DMPK: variants seen among roughly 807,000 people sequenced by gnomAD.
DMPK encodes the protein DM1 protein kinase.
DMPK carries 32 observed loss-of-function variants against 70.3 expected under a neutral mutation model. The ratio of observed to expected loss-of-function variants is 0.46; its 90% CI spans 0.34 to 0.61. The LOEUF (loss-of-function observed/expected upper bound fraction) is 0.61, where lower values mean the gene tolerates loss of function less well. DMPK is among the 20% of genes least tolerant of loss of function. The pLI, the probability that DMPK is intolerant of heterozygous loss-of-function variation, is 0.01. For synonymous variants in DMPK, 469 were observed against 390.9 expected (o/e 1.20, Z -2.36); for missense variants, 899 against 886.0 (o/e 1.01, Z -0.19).
intron 1 of DMPK, 89 bp downstream of exon 1, chr19:45,782,104 G>GC (rs149612963): frequency 0.078 from 56,284 of 722,210 alleles, 9,599 homozygotes; most frequent in African/African-American, 0.16. Context: ...CTGCCATCCT[G>GC]CCCCCCCAAC....
rs546909538 is a variant in DMPK, at chr19:45,770,181, G to A, written c.*307C>T. 264 of 787,620 alleles carry A rather than the reference G, an allele frequency of 3.4e-4. No homozygotes were observed. The highest frequency in any genetic ancestry group is 6.7e-4 in the Middle Eastern group (2 of 3,004). The allele number at this position is 787,620 out of a possible 1,614,324, so 48.8% of individuals were successfully genotyped here. On this transcript the variant is annotated 3_prime_UTR_variant, in exon 15 of 15. Transcript: ENST00000291270. ...CGTCAGGGCCTCAGCCTGGCCGAAA[G>A]AAAGAAATGGTCTGTGATCCCCCCA...
intron 13 of DMPK, 38 bp downstream of exon 13, chr19:45,771,312 G>A: frequency 1.3e-6 from 2 of 1,566,218 alleles, no homozygotes; most frequent in South Asian, 1.2e-5. Context: ...TGCAGAATGG[G>A]CAGCAGGTCT....
chr19:45,771,421 G>C (rs1247891650), intron 12 of DMPK, 25 bp from the exon 13 acceptor site: 4 of 1,610,938 alleles, frequency 2.5e-6, no homozygotes, highest in South Asian at 1.1e-5. Flanking sequence ...AAGAGGCATA[G>C]GGCGCGTGGA....
At chr19:45,770,809 C>T (rs542771469) in intron 14 of DMPK, 162 bp downstream of exon 14, 3 of 984,914 alleles carry the variant, frequency 3.0e-6, no homozygotes, top group South Asian at 1.7e-5. Flanking sequence ...CCCGTCCGAA[C>T]TCGTCATTGG....
intron 9 of DMPK, 34 bp downstream of exon 9, chr19:45,774,915 G>C (rs371908326): frequency 3.8e-6 from 6 of 1,560,330 alleles, no homozygotes; most frequent in South Asian, 1.1e-5. Context: ...AAGCAGCCTC[G>C]TGGCCCCTGG....
At position 45,782,178 on chromosome 19, in the gene DMPK, AG is replaced by A. The variant is rs1970160227; in HGVS notation, c.160+14del. On this transcript the variant is annotated intron_variant, in intron 1 of 14. Coordinates refer to ENST00000291270, the MANE Select transcript of DMPK (RefSeq NM_004409.5). ...CCCCACCCCATCTGCAGGAGCCCCG[AG>A]GGTAGGCACTCACCCCACTGCAAGA... is the stretch of plus-strand genomic sequence containing the variant. 7.8e-6 allele frequency: 7 copies of A among 902,754 alleles called. No homozygotes were observed. The highest frequency in any genetic ancestry group is 8.5e-6 in the Non-Finnish European group (6 of 707,878). 55.9% of individuals were successfully genotyped at this position (902,754 alleles called of 1,614,324 possible). A position where few individuals can be genotyped will look rare whatever the true frequency, so the allele number is the denominator to read the frequency against.
rs750895304 is a variant in DMPK at position 45,770,630 on chromosome 19, G to A, written c.1748C>T (p.Pro583Leu). Residue 583 changes from proline to leucine, a missense_variant, in exon 15 of 15, where the codon CCT becomes CTT. Physicochemically the swap from Pro to Leu is moderately conservative, Grantham distance 98. Around this residue, in one of 3 missense-constraint regions of DMPK, gnomAD observed 555 missense variants for 483.8 expected, o/e 1.15. Coordinates refer to ENST00000291270, the MANE Select transcript of DMPK (RefSeq NM_004409.5). The stretch of plus-strand genomic sequence containing the variant: ...CAGGGAAAGCGCCTCCGATAGGCCA[G>A]GCCTAGGGACCTGCGGGGAGAGGGC... ...HLLLPARVPR[P>L]GLSEALSLLL... is the part of the protein sequence containing the mutation. 1.5e-5 allele frequency: 23 copies of A among 1,552,106 alleles called. No homozygotes were observed. Among genetic ancestry groups the A allele is most frequent in the Non-Finnish European group, 1.9e-5 (22 of 1,147,892 alleles).
chr19:45,770,486 G>A lies in DMPK; in HGVS notation c.*2C>T, dbSNP rs1969318521. On this transcript the variant is annotated 3_prime_UTR_variant, in exon 15 of 15. Coordinates refer to ENST00000291270, the MANE Select transcript of DMPK (RefSeq NM_004409.5). ...CCCCGGAGTCGAAGACAGTTCTAGG[G>A]TTCAGGGAGCGCGGGCGGCTCCTGG... The A allele has an allele frequency of 3.2e-6, 5 of 1,550,266 alleles. No homozygotes were observed. The highest frequency in any genetic ancestry group is 1.2e-5 in the South Asian group (1 of 84,042).
chr19:45,775,021 T>G lies in DMPK; in HGVS notation c.1160A>C (p.Asp387Ala), dbSNP rs1362951027. The change falls in exon 9 of 15, where the codon GAC becomes GCC. Residue 387 changes from aspartate (D) to alanine (A), a missense_variant. Asp to Ala is a moderately radical substitution (Grantham distance 126, BLOSUM62 -2). Transcript: ENST00000291270. The part of the protein sequence containing the change: ...MVSGGGETLS[D>A]IREGAPLGVH... Reference sequence around the variant, plus strand: ...CCCTAGCGGCGCACCTTCCCGAATGTCCGACAGTGTCTCCTGCGCAAGACA... The same window carrying G: ...CCCTAGCGGCGCACCTTCCCGAATGGCCGACAGTGTCTCCTGCGCAAGACA... The G allele has an allele frequency of 4.3e-6, 7 of 1,613,688 alleles. No homozygotes were observed. Among genetic ancestry groups the G allele is most frequent in the Admixed American group, 1.7e-5 (1 of 59,996 alleles).
Position 45,777,292 on chromosome 19 carries a change from G to A in DMPK, c.1146+35C>T, listed in dbSNP as rs371791113. 1.2e-4 allele frequency: 181 copies of A among 1,528,750 alleles called. No homozygotes were observed. The African/African-American group carries it at 1.8e-3, about 15-fold the overall frequency. The allele number at this position is 1,528,750 out of a possible 1,614,324, so 94.7% of individuals were successfully genotyped here. A position where few individuals can be genotyped will look rare whatever the true frequency, so the allele number is the denominator to read the frequency against. ...AACTTTATGGAGGGAGCATGGGGAGGTTCCCGCAGCCGAGCAGGGGCCACA... is the reference window on the plus strand; with the variant it reads ...AACTTTATGGAGGGAGCATGGGGAGATTCCCGCAGCCGAGCAGGGGCCACA... On this transcript the variant is annotated intron_variant, in intron 8 of 14. Coordinates refer to ENST00000291270, the MANE Select transcript of DMPK (RefSeq NM_004409.5). The surrounding 1 kb of genome is among the most constrained non-coding windows in gnomAD (Gnocchi z 6.7).
chr19:45,771,163 G>C, intron 13 of DMPK, 103 bp from the exon 14 acceptor site: 1 of 1,169,250 alleles, frequency 8.6e-7, no homozygotes, highest in Non-Finnish European at 1.2e-6. Flanking sequence ...GTTATCTAGG[G>C]AGATCCCGGA....
chr19:45,777,360 C>G lies in DMPK; in HGVS notation c.1113G>C (p.Glu371Asp), dbSNP rs1969829309. The stretch of plus-strand genomic sequence containing the variant: ...CGCTCACCATGGCAGTGAGCCCGTC[C>G]TCCACCAAGTCGAAGTTGCATGTGT... ...ATDTCNFDLV[E>D]DGLTAMVSGG... Residue 371 changes from glutamate (E) to aspartate (D), a missense_variant, in exon 8 of 15, where the codon GAG becomes GAC. Transcript: ENST00000291270. The surrounding 1 kb of genome is among the most constrained non-coding windows in gnomAD (Gnocchi z 6.7). The G allele has an allele frequency of 6.2e-7, 1 of 1,601,350 alleles. No homozygotes were observed. The highest frequency in any genetic ancestry group is 1.1e-5 in the South Asian group (1 of 89,510).
At chr19:45,775,126 CCCAA>C in intron 8 of DMPK, 92 bp from the exon 9 acceptor site, 1 of 991,184 alleles carries the variant, frequency 1.0e-6, no homozygotes, top group Non-Finnish European at 1.6e-6. Context: ...CCAAACCAGC[CCCAA>C]CTCAGGGCTT....
rs1361549448 is a variant in DMPK at position 45,778,997 on chromosome 19, C to T, written c.432+267G>A. 6.8e-6 allele frequency: 4 copies of T among 585,988 alleles called. No individual in the cohort carries two copies. In the African/African-American group the frequency reaches 7.5e-5, roughly 11 times the overall value. 36.3% of individuals were successfully genotyped at this position (585,988 alleles called of 1,614,324 possible). On this transcript the variant is annotated intron_variant, in intron 4 of 14. Coordinates refer to ENST00000291270, the MANE Select transcript of DMPK (RefSeq NM_004409.5). The stretch of plus-strand genomic sequence containing the variant: ...CGTTAGAATTCCTGAAGACCTATCC[C>T]ATTCCAGGTAAGAGACCCCCCGCAA...
Position 45,779,285 on chromosome 19 carries a change from G to A in DMPK, c.411C>T (p.Ala137=), listed in dbSNP as rs771161939. The A allele has an allele frequency of 6.2e-7, 1 of 1,613,924 alleles. No homozygotes were observed. The highest frequency in any genetic ancestry group is 8.5e-7 in the Non-Finnish European group (1 of 1,180,036). The change falls in exon 4 of 15, where the codon GCC becomes GCT. Residue 137 remains alanine (A), a synonymous_variant. Transcript: ENST00000291270. ...DRRWITQLHF[A]FQDENYLYLV... ...TCACCAGGTAGTTCTCATCCTGGAAGGCGAAGTGCAGCTGCGTGATCCACC... is the reference window on the plus strand; with the variant it reads ...TCACCAGGTAGTTCTCATCCTGGAAAGCGAAGTGCAGCTGCGTGATCCACC...
intron 8 of DMPK, chr19:45,776,913 C>T (rs765755431): frequency 7.2e-4 from 126 of 175,282 alleles, no homozygotes; most frequent in Non-Finnish European, 1.8e-4. Flanking sequence ...CAAAAGGGCA[C>T]CCAGAGCCGA....
rs753911237 is a variant in DMPK, at chr19:45,772,706, G to A, written c.1279C>T (p.Gln427Ter). Residue 427 changes from glutamine (Q) to a stop codon, truncating the protein, a stop_gained, in exon 10 of 15, where the codon CAG (glutamine) becomes TAG (stop). Transcript: ENST00000291270. LOFTEE classifies it high-confidence loss of function. ...GCTTGCACGTGTGGCTCAAGCAGCTGCTCGGCCTCCAGTTCCATGGGTGTG... is the reference window on the plus strand; with the variant it reads ...GCTTGCACGTGTGGCTCAAGCAGCTACTCGGCCTCCAGTTCCATGGGTGTG... The part of the protein sequence containing the change: ...GPTPMELEAE[Q>*]LLEPHVQAPS... 6.6e-7 allele frequency: 1 copy of A among 1,520,924 alleles called. No individual in the cohort carries two copies. Among genetic ancestry groups the A allele is most frequent in the South Asian group, 1.3e-5 (1 of 75,182 alleles). 94.2% of individuals were successfully genotyped at this position (1,520,924 alleles called of 1,614,324 possible).
Position 45,771,784 on chromosome 19 carries a change from G to C in DMPK, c.1489C>G (p.Gln497Glu), listed in dbSNP as rs1322546469. The change falls in exon 11 of 15, where the codon CAG (glutamine) becomes GAG (glutamate). Residue 497 changes from glutamine (Q) to glutamate (E), a missense_variant. By Grantham distance (29) the Gln-to-Glu change is conservative (BLOSUM62 2). Coordinates refer to ENST00000291270, the MANE Select transcript of DMPK (RefSeq NM_004409.5). ...CCCGATCCCGACCTGGCGAAGTTCT[G>C]GTTGTCCGTGCGGATGGCCTCCATC... ...REMEAIRTDN[Q>E]NFASQLREAE... 45 of 1,570,862 alleles carry C rather than the reference G, an allele frequency of 2.9e-5. No homozygotes were observed. The highest frequency in any genetic ancestry group is 3.9e-5 in the Non-Finnish European group (45 of 1,157,708).
chr19:45,778,786 G>A lies in DMPK; in HGVS notation c.433-145C>T, dbSNP rs907262775. The stretch of plus-strand genomic sequence containing the variant: ...CCAGAGATAACCATAGAGATCTGCC[G>A]GGCCAAATCAGAGACCACCTGCGGC... On this transcript the variant is annotated intron_variant, in intron 4 of 14. Coordinates refer to ENST00000291270, the MANE Select transcript of DMPK (RefSeq NM_004409.5). 2.4e-5 allele frequency: 21 copies of A among 876,982 alleles called. No individual in the cohort carries two copies. The Admixed American group carries it at 2.9e-4, about 12-fold the overall frequency. 54.3% of individuals were successfully genotyped at this position (876,982 alleles called of 1,614,324 possible). A position where few individuals can be genotyped will look rare whatever the true frequency, so the allele number is the denominator to read the frequency against.
Sources: gnomAD v4.1 joint callset for allele counts on GRCh38, gnomAD v4.1.1 for gene constraint, gnomAD v4.1.1 regional missense constraint, Gnocchi (gnomAD v3.1) non-coding constraint, MANE v1.5 for transcripts, NCBI Gene and HGNC (gene_info 2026-07-23, HGNC 2026-07-21) for gene names.